SNTB1: variants seen among roughly 807,000 people sequenced by gnomAD.
SNTB1 encodes the protein beta-1-syntrophin.
A neutral mutation model predicts 48.9 loss-of-function variants in SNTB1; 36 were observed. The ratio of observed to expected loss-of-function variants is 0.74; its 90% CI spans 0.56 to 0.97. SNTB1 has a LOEUF of 0.97. Ranked by LOEUF, SNTB1 falls within the 50% of genes least tolerant of loss-of-function variation. The pLI, the probability that SNTB1 is intolerant of heterozygous loss-of-function variation, is 0.00. For synonymous variants in SNTB1, 299 were observed against 294.6 expected (o/e 1.01, Z -0.15); for missense variants, 786 against 703.4 (o/e 1.12, Z -1.33).
At position 120,625,437 on chromosome 8, in the gene SNTB1, A is replaced by G. The variant is rs553064779; in HGVS notation, c.996+7007T>C. 8.5e-5 allele frequency among the ~76,000 whole-genome samples: 13 copies of G among 152,276 alleles called. No individual in the cohort carries two copies. The East Asian group carries it at 2.3e-3, about 27-fold the overall frequency. On this transcript the variant is annotated intron_variant, in intron 3 of 6. Transcript: ENST00000517992. ...AGAACAATTCACTTTACTAAATTCA[A>G]TTTACTAAATTCAGATGACTGTGAA...
chr8:120,666,135 C>T lies in SNTB1; in HGVS notation c.788+27557G>A, dbSNP rs149630109. On this transcript the variant is annotated intron_variant, in intron 2 of 6. Transcript: ENST00000517992. ...TTTGATTAGTATGGCATTGGATTTA[C>T]AAATCAATGAGGAAAGTGTTACCAT... Among the ~76,000 whole-genome samples the T allele has an allele frequency of 3.9e-3, 587 of 152,252 alleles. 5 individuals carry two copies. Among genetic ancestry groups the T allele is most frequent in the African/African-American group, 0.013 (560 of 41,540 alleles).
intron 6 of SNTB1, among the ~76,000 whole-genome samples, chr8:120,539,250 A>G (rs533688709): frequency 8.5e-5 from 13 of 152,080 alleles, no homozygotes; most frequent in Admixed American, 3.3e-4. Context: ...TAAGCCATTT[A>G]TTTTTGGTAC....
chr8:120,651,007 A>G (rs1445187219), intron 2 of SNTB1, among the ~76,000 whole-genome samples: 1 of 152,186 alleles, frequency 6.6e-6, no homozygotes, highest in Non-Finnish European at 1.5e-5. Context: ...GCCTCAATAT[A>G]CTTGTCTATT....
intron 2 of SNTB1, among the ~76,000 whole-genome samples, chr8:120,657,576 C>CA (rs35816916): frequency 3.3e-5 from 5 of 152,132 alleles, no homozygotes; most frequent in African/African-American, 1.2e-4. Context: ...TATACCTCTC[C>CA]AAAAATAGGC....
At chr8:120,577,930 G>T (rs1355247818) in intron 3 of SNTB1, among the ~76,000 whole-genome samples, 2 of 152,224 alleles carry the variant, frequency 1.3e-5, no homozygotes, top group Non-Finnish European at 2.9e-5. Flanking sequence ...CCTGTATGCA[G>T]AGCTGTTATT....
Position 120,579,040 on chromosome 8 carries a change from G to A in SNTB1, c.997-3815C>T, listed in dbSNP as rs561815673. Among the ~76,000 whole-genome samples, 4 of 152,226 alleles carry A rather than the reference G, an allele frequency of 2.6e-5. 1 individual carries two copies. Among genetic ancestry groups the A allele is most frequent in the South Asian group, 4.1e-4 (2 of 4,820 alleles). ...AAAAATACAAAAATTAGCCAGGTGTGGTGGCGGGTGCCTGTAATCCTAGCT... is the reference window on the plus strand; with the variant it reads ...AAAAATACAAAAATTAGCCAGGTGTAGTGGCGGGTGCCTGTAATCCTAGCT... On this transcript the variant is annotated intron_variant, in intron 3 of 6. Coordinates refer to ENST00000517992, the MANE Select transcript of SNTB1 (RefSeq NM_021021.4).
Position 120,537,805 on chromosome 8 carries a change from T to G in SNTB1, c.*1072A>C, listed in dbSNP as rs1373818824. The G allele has an allele frequency of 6.6e-6, 1 of 152,264 alleles. No homozygotes were observed. Among genetic ancestry groups the G allele is most frequent in the African/African-American group, 2.4e-5 (1 of 41,476 alleles). The allele number at this position is 152,264 out of a possible 1,614,324, so 9.4% of individuals were successfully genotyped here. On this transcript the variant is annotated 3_prime_UTR_variant, in exon 7 of 7. Transcript: ENST00000517992. ...TCGTTATATTATTTCCCTGGAATTC[T>G]GAAAGAACTGCAGATACTGTCAATA...
intron 3 of SNTB1, among the ~76,000 whole-genome samples, chr8:120,598,920 C>T (rs1816373525): frequency 1.3e-5 from 2 of 152,168 alleles, no homozygotes; most frequent in South Asian, 4.1e-4. Context: ...TGGCCTCCCT[C>T]TTATAAAGAT....
chr8:120,651,100 C>A (rs191384174), intron 2 of SNTB1, among the ~76,000 whole-genome samples: 31 of 152,250 alleles, frequency 2.0e-4, no homozygotes, highest in Admixed American at 1.7e-3. Flanking sequence ...TCCTAGTTTA[C>A]AATGAACAGT....
chr8:120,649,856 A>G (rs2129710647), intron 2 of SNTB1, among the ~76,000 whole-genome samples: 1 of 152,104 alleles, frequency 6.6e-6, no homozygotes, highest in Admixed American at 6.5e-5. Flanking sequence ...CAGGTGTGGG[A>G]TATAATCTCG....
rs150732638 is a variant in SNTB1, at chr8:120,559,371, C to G, written c.1137-10413G>C. Among the ~76,000 whole-genome samples the G allele has an allele frequency of 3.7e-3, 560 of 152,300 alleles. 2 individuals carry two copies. The highest frequency in any genetic ancestry group is 5.6e-3 in the Non-Finnish European group (384 of 68,032). On this transcript the variant is annotated intron_variant, in intron 4 of 6. Coordinates refer to ENST00000517992, the MANE Select transcript of SNTB1 (RefSeq NM_021021.4). Reference sequence around the variant, plus strand: ...GTTGTTAAGATTTTACATTCATGGTCAGCATGGATCCAATTTGAAGACTTG... The same window carrying G: ...GTTGTTAAGATTTTACATTCATGGTGAGCATGGATCCAATTTGAAGACTTG...
chr8:120,798,078 T>C (rs1183435946), intron 1 of SNTB1, among the ~76,000 whole-genome samples: 2 of 152,178 alleles, frequency 1.3e-5, no homozygotes, highest in East Asian at 3.9e-4. Flanking sequence ...AGATCTCTTC[T>C]ATATGGCAAC....
At chr8:120,791,692 A>G (rs1454087458) in intron 1 of SNTB1, among the ~76,000 whole-genome samples, 2 of 152,012 alleles carry the variant, frequency 1.3e-5, no homozygotes, top group Non-Finnish European at 2.9e-5. Context: ...TCCAACAAAC[A>G]TGAAAAAATG....
intron 3 of SNTB1, among the ~76,000 whole-genome samples, chr8:120,576,125 G>C (rs1815946934): frequency 6.6e-6 from 1 of 152,194 alleles, no homozygotes; most frequent in Non-Finnish European, 1.5e-5. Flanking sequence ...TTGGGAGCTT[G>C]CTAGAGTCTC....
At chr8:120,736,192 T>G (rs1818940716) in intron 1 of SNTB1, among the ~76,000 whole-genome samples, 1 of 152,106 alleles carries the variant, frequency 6.6e-6, no homozygotes. Flanking sequence ...AGAACAGAAC[T>G]GTCCCCATGA....
intron 3 of SNTB1, among the ~76,000 whole-genome samples, chr8:120,624,313 T>G (rs1173241783): frequency 6.6e-6 from 1 of 152,206 alleles, no homozygotes; most frequent in Non-Finnish European, 1.5e-5. Flanking sequence ...ATGAGGGGCC[T>G]GCACCTGGTG....
intron 1 of SNTB1, among the ~76,000 whole-genome samples, chr8:120,810,063 G>C (rs1325917306): frequency 6.6e-5 from 10 of 152,110 alleles, no homozygotes; most frequent in Non-Finnish European, 1.5e-4. Flanking sequence ...CATATTACAA[G>C]GTCTCAGCTG....
At chr8:120,542,193 T>C (rs1815300224) in intron 5 of SNTB1, 193 bp from the exon 6 acceptor site, 2 of 538,222 alleles carry the variant, frequency 3.7e-6, no homozygotes, top group Middle Eastern at 4.9e-4. Context: ...AAAAGCCCCA[T>C]AGAACTAAGG....
chr8:120,732,695 AT>A (rs1468861266), intron 1 of SNTB1, among the ~76,000 whole-genome samples: 2 of 152,150 alleles, frequency 1.3e-5, no homozygotes, highest in Non-Finnish European at 2.9e-5. Flanking sequence ...ACGTACAAAA[AT>A]TTAGCTGGGC....
Sources: allele counts gnomAD v4.1 joint callset (sites outside exome capture counted in the v4.1 genomes callset), GRCh38; gene constraint gnomAD v4.1.1; transcripts MANE v1.5; gene names NCBI Gene and HGNC (gene_info 2026-07-23, HGNC 2026-07-21).